SMARCD3: variants seen among roughly 807,000 people sequenced by gnomAD.
The protein encoded by SMARCD3 is SWI/SNF related BAF chromatin remodeling complex subunit D3.
SMARCD3 carries 14 observed loss-of-function variants against 58.0 expected under a neutral mutation model. That is an observed-to-expected ratio of 0.24 (90% confidence interval 0.16 to 0.38). The LOEUF is 0.38. Among genes scored for constraint, SMARCD3 ranks in the 10% least tolerant of loss-of-function variants. The pLI, the probability that SMARCD3 is intolerant of heterozygous loss-of-function variation, is 1.00. For synonymous variants in SMARCD3, 253 were observed against 253.8 expected, an observed-to-expected ratio of 1.00 and a Z score of 0.03; for missense variants, 408 against 636.9, an observed-to-expected ratio of 0.64 and a Z score of 3.87.
upstream of SMARCD3, among the ~76,000 whole-genome samples, chr7:151,252,401 C>G (rs1803550453): frequency 6.6e-6 from 1 of 151,074 alleles, no homozygotes; most frequent in Admixed American, 6.6e-5. Flanking sequence ...CGATCACCCT[C>G]ACTGGGGCGG....
intron 2 of SMARCD3, among the ~76,000 whole-genome samples, chr7:151,244,925 T>C (rs567274026): frequency 1.4e-4 from 21 of 151,890 alleles, no homozygotes; most frequent in African/African-American, 3.1e-4. Flanking sequence ...TGGGCCAGAG[T>C]GCCTAAGAAT....
At chr7:151,247,641 C>T (rs1803331893) in intron 1 of SMARCD3, among the ~76,000 whole-genome samples, 1 of 152,096 alleles carries the variant, frequency 6.6e-6, no homozygotes. Context: ...ACAGGGCCTC[C>T]ACTCCCTCAC....
upstream of SMARCD3, among the ~76,000 whole-genome samples, chr7:151,251,438 A>T (rs1803505717): frequency 6.6e-6 from 1 of 152,188 alleles, no homozygotes; most frequent in Non-Finnish European, 1.5e-5. Flanking sequence ...TTCACAAGGC[A>T]GGCCCAGACA....
At chr7:151,258,530 A>C (rs1178699145) in intron 2 of SMARCD3, among the ~76,000 whole-genome samples, 2 of 146,796 alleles carry the variant, frequency 1.4e-5, no homozygotes, top group Non-Finnish European at 3.0e-5. Context: ...TCGCCACTGC[A>C]CTCCAGCCTG....
At chr7:151,268,482 T>C (rs1284824971) in intron 2 of SMARCD3, among the ~76,000 whole-genome samples, 5 of 152,104 alleles carry the variant, frequency 3.3e-5, no homozygotes, top group Non-Finnish European at 7.4e-5. Flanking sequence ...TAAATGGCCT[T>C]TGACCTTGAG....
At chr7:151,272,673 C>T (rs1308740514) in intron 2 of SMARCD3, among the ~76,000 whole-genome samples, 3 of 152,118 alleles carry the variant, frequency 2.0e-5, no homozygotes, top group Admixed American at 6.5e-5. Context: ...AGAAACCGAA[C>T]GCGCTATCCC....
intron 2 of SMARCD3, among the ~76,000 whole-genome samples, chr7:151,273,055 C>T (rs1795229106): frequency 6.6e-6 from 1 of 152,252 alleles, no homozygotes. Flanking sequence ...GGCACCAGCA[C>T]CAGGGCCTGT....
In SMARCD3 at chr7:151,241,363, A is replaced by G. The variant is rs1401084534; in HGVS notation, c.939+129T>C. On this transcript the variant is annotated intron_variant, in intron 8 of 12. Coordinates refer to ENST00000262188, the MANE Select transcript of SMARCD3 (RefSeq NM_001003801.2). The surrounding 1 kb of genome is among the most constrained non-coding windows in gnomAD (Gnocchi z 5.3). ...TGGTCGGTCTCTTGGCTCCAAGACC[A>G]TGACTGTGTACTGCTTCTGCTACTC... is the stretch of plus-strand genomic sequence containing the variant. 2 of 823,528 alleles carry G rather than the reference A, an allele frequency of 2.4e-6. No homozygotes were observed. Among genetic ancestry groups the G allele is most frequent in the South Asian group, 1.5e-5 (1 of 68,956 alleles). The allele number at this position is 823,528 out of a possible 1,614,324, so 51.0% of individuals were successfully genotyped here.
rs529335134 is a variant in SMARCD3, at chr7:151,276,515, G to C, written c.-100+190C>G. ...GTGGAGGGAGGATAGGAAGGTACTG[G>C]AGAGGGAAGGAGGGGAAGATGCCAG... is the stretch of plus-strand genomic sequence containing the variant. On this transcript the variant is annotated intron_variant, in intron 1 of 13. Coordinates refer to the SMARCD3 transcript ENST00000356800. 3.4e-5 allele frequency among the ~76,000 whole-genome samples: 5 copies of C among 146,232 alleles called. No homozygotes were observed. The East Asian group carries it at 6.3e-4, about 18-fold the overall frequency.
At position 151,246,402 on chromosome 7, in the gene SMARCD3, C is replaced by T. The variant is rs1803267681; in HGVS notation, c.79-731G>A. ...CTGACCAAGCTGCCCCCATAATTTG[C>T]TCCCAGGGTGAGGGCTGGAGGCAGG... On this transcript the variant is annotated intron_variant, in intron 1 of 12. Transcript: ENST00000262188. The surrounding 1 kb of genome is among the most constrained non-coding windows in gnomAD (Gnocchi z 4.4). Among the ~76,000 whole-genome samples, 1 of 152,196 alleles carries T rather than the reference C, an allele frequency of 6.6e-6. No individual in the cohort carries two copies. The highest frequency in any genetic ancestry group is 1.5e-5 in the Non-Finnish European group (1 of 68,024).
intron 2 of SMARCD3, among the ~76,000 whole-genome samples, chr7:151,274,207 C>A (rs929805425): frequency 1.3e-5 from 2 of 152,192 alleles, no homozygotes; most frequent in African/African-American, 2.4e-5. Flanking sequence ...TGAGGCCCTG[C>A]CAGTACCCAC....
At chr7:151,253,267 A>G (rs1033925968), upstream of SMARCD3, among the ~76,000 whole-genome samples, 3 of 151,960 alleles carry the variant, frequency 2.0e-5, no homozygotes, top group Non-Finnish European at 2.9e-5. Flanking sequence ...CCCCTCCTCT[A>G]TGGGGTCCTC....
At chr7:151,253,376 C>G (rs1803591099), upstream of SMARCD3, among the ~76,000 whole-genome samples, 2 of 152,196 alleles carry the variant, frequency 1.3e-5, no homozygotes, top group African/African-American at 4.8e-5. Context: ...TGAGCCCTCA[C>G]CCCTACACCT....
chr7:151,265,428 T>G (rs1804049681), intron 2 of SMARCD3, among the ~76,000 whole-genome samples: 2 of 152,208 alleles, frequency 1.3e-5, no homozygotes, highest in South Asian at 4.1e-4. Flanking sequence ...ACTTCCAGCC[T>G]CCGACACTGG....
chr7:151,240,920 G>C (rs1330607965), intron 8 of SMARCD3: 1 of 255,098 alleles, frequency 3.9e-6, no homozygotes, highest in Non-Finnish European at 7.6e-6. Context: ...AAAGTGCTTG[G>C]GACAGTGCCT....
intron 2 of SMARCD3, among the ~76,000 whole-genome samples, chr7:151,261,060 G>A (rs1803902571): frequency 6.6e-6 from 1 of 152,152 alleles, no homozygotes; most frequent in Non-Finnish European, 1.5e-5. Context: ...TGGGGAGGCG[G>A]CAGATGTTGG....
chr7:151,271,527 T>C (rs1795173545), intron 2 of SMARCD3, among the ~76,000 whole-genome samples: 1 of 152,172 alleles, frequency 6.6e-6, no homozygotes, highest in African/African-American at 2.4e-5. Flanking sequence ...GCCTGTGTGC[T>C]TAAGGAGCTC....
At chr7:151,271,448 T>C (rs1247748279) in intron 2 of SMARCD3, among the ~76,000 whole-genome samples, 2 of 152,018 alleles carry the variant, frequency 1.3e-5, no homozygotes, top group East Asian at 3.9e-4. Context: ...TGCCTGTTTT[T>C]CCATGGGTTC....
Position 151,239,691 on chromosome 7 carries a change from A to G in SMARCD3, c.1229T>C (p.Leu410Pro). Residue 410 changes from leucine to proline, a missense_variant, in exon 11 of 13, where the codon CTA (leucine) becomes CCA (proline). By Grantham distance (98) the Leu-to-Pro change is moderately conservative. Around this residue, in one of 4 missense-constraint regions of SMARCD3, gnomAD observed 81 missense variants for 109.7 expected, o/e 0.74. Coordinates refer to ENST00000262188, the MANE Select transcript of SMARCD3 (RefSeq NM_001003801.2). This position sits in a 1 kb window ranked among gnomAD's most constrained non-coding sequence, Gnocchi z 7.0. ...NQLKIQRDFMLSFSRDPKGYV... is the reference protein window; with the variant it reads ...NQLKIQRDFMPSFSRDPKGYV... ...GCCTTTGGGGTCTCTGGAGAAGCTT[A>G]GCATGAAGTCCCTCTGGATCTTGAG... 6.2e-7 allele frequency: 1 copy of G among 1,614,026 alleles called. No individual in the cohort carries two copies. Among genetic ancestry groups the G allele is most frequent in the Non-Finnish European group, 8.5e-7 (1 of 1,179,952 alleles).
Sources: gnomAD v4.1 joint callset for allele counts (sites outside exome capture counted in the v4.1 genomes callset) on GRCh38, gnomAD v4.1.1 for gene constraint, gnomAD v4.1.1 regional missense constraint, Gnocchi (gnomAD v3.1) non-coding constraint, MANE v1.5 for transcripts, NCBI Gene and HGNC (gene_info 2026-07-23, HGNC 2026-07-21) for gene names.